The following CSMD1 variants were observed in gnomAD, a reference collection of about 807,000 sequenced individuals.
CSMD1 encodes the protein CUB and Sushi multiple domains 1, also known as CUB and sushi domain-containing protein 1.
CSMD1 carries 213 observed loss-of-function variants against 417.5 expected under a neutral mutation model. The ratio of observed to expected loss-of-function variants is 0.51; its 90% CI spans 0.46 to 0.57. The LOEUF (loss-of-function observed/expected upper bound fraction) is 0.57, where lower values mean the gene tolerates loss of function less well. Ranked by LOEUF, CSMD1 falls within the 20% of genes least tolerant of loss-of-function variation. The pLI is 0.00. For synonymous variants in CSMD1, 2,862 were observed against 1,736.8 expected (o/e 1.65, Z -16.11); for missense variants, 6,923 against 4,529.7 (o/e 1.53, Z -15.17).
At chr8:3,554,121 G>C (rs993081409) in intron 10 of CSMD1, among the ~76,000 whole-genome samples, 5 of 152,338 alleles carry the variant, frequency 3.3e-5, no homozygotes, top group East Asian at 3.9e-4. Flanking sequence ...GCATGTCTAA[G>C]CTCATGCCTT....
At chr8:4,852,159 C>T (rs1393795653) in intron 1 of CSMD1, among the ~76,000 whole-genome samples, 5 of 152,166 alleles carry the variant, frequency 3.3e-5, no homozygotes, top group Admixed American at 3.3e-4. Context: ...TTACTCTAAT[C>T]TATTTTTGCC....
At chr8:3,636,600 A>G (rs965197263) in intron 7 of CSMD1, among the ~76,000 whole-genome samples, 1 of 152,168 alleles carries the variant, frequency 6.6e-6, no homozygotes, top group African/African-American at 2.4e-5. Flanking sequence ...TGTGAAAAAC[A>G]TCTTTTCAGG....
chr8:4,041,144 G>A (rs1004301094), intron 3 of CSMD1, among the ~76,000 whole-genome samples: 1 of 151,098 alleles, frequency 6.6e-6, no homozygotes, highest in Non-Finnish European at 1.5e-5. Context: ...AGCCTCCCGA[G>A]TAGCTGGGAC....
chr8:4,070,521 C>T (rs934617428), intron 3 of CSMD1, among the ~76,000 whole-genome samples: 1 of 152,056 alleles, frequency 6.6e-6, no homozygotes, highest in Non-Finnish European at 1.5e-5. Flanking sequence ...CCACGGCCGG[C>T]TATTTTTTTG....
chr8:4,305,973 G>T (rs183272985), intron 3 of CSMD1, among the ~76,000 whole-genome samples: 3 of 152,136 alleles, frequency 2.0e-5, no homozygotes, highest in African/African-American at 7.2e-5. Context: ...CTGATACATA[G>T]TGTGCCCAGA....
chr8:3,531,741 C>G (rs1241099886), intron 10 of CSMD1, among the ~76,000 whole-genome samples: 1 of 152,212 alleles, frequency 6.6e-6, no homozygotes, highest in Non-Finnish European at 1.5e-5. Context: ...GAAATCACTT[C>G]TTTTCTAACA....
chr8:4,444,335 A>T (rs1463853436), intron 2 of CSMD1, among the ~76,000 whole-genome samples: 3 of 117,242 alleles, frequency 2.6e-5, no homozygotes, highest in African/African-American at 9.6e-5. Context: ...CTACAGAGTG[A>T]GACTCCATCT....
At chr8:4,921,171 T>C (rs963254956) in intron 1 of CSMD1, among the ~76,000 whole-genome samples, 5 of 151,870 alleles carry the variant, frequency 3.3e-5, no homozygotes, top group African/African-American at 1.2e-4. Context: ...GATGGTGATT[T>C]AGGGTCAGAA....
intron 2 of CSMD1, among the ~76,000 whole-genome samples, chr8:4,422,815 A>G (rs1797324075): frequency 6.6e-6 from 1 of 152,120 alleles, no homozygotes; most frequent in Admixed American, 6.6e-5. Flanking sequence ...TAGGCAAGAT[A>G]CGAATTATAC....
At chr8:4,802,340 A>AGT (rs202111583) in intron 1 of CSMD1, among the ~76,000 whole-genome samples, 15 of 145,966 alleles carry the variant, frequency 1.0e-4, no homozygotes, top group African/African-American at 3.8e-4. Context: ...AAGCAAAATG[A>AGT]GTGTGTGCGC....
chr8:4,827,899 G>A (rs550029078), intron 1 of CSMD1, among the ~76,000 whole-genome samples: 51 of 152,214 alleles, frequency 3.4e-4, no homozygotes, highest in African/African-American at 1.2e-3. Context: ...GCAACTGCTT[G>A]AAATACAATG....
chr8:3,105,233 G>C (rs62488455), intron 46 of CSMD1, among the ~76,000 whole-genome samples: 1 of 152,300 alleles, frequency 6.6e-6, no homozygotes, highest in Non-Finnish European at 1.5e-5. Flanking sequence ...AGAGTGACTT[G>C]CTCAAAGCTG....
chr8:3,631,861 C>A (rs563897369), intron 7 of CSMD1, among the ~76,000 whole-genome samples: 2 of 151,932 alleles, frequency 1.3e-5, no homozygotes, highest in African/African-American at 4.8e-5. Flanking sequence ...AACGTGAATT[C>A]CCCCCTGGTC....
intron 1 of CSMD1, among the ~76,000 whole-genome samples, chr8:4,914,924 A>G (rs1805949009): frequency 6.6e-6 from 1 of 152,186 alleles, no homozygotes. Flanking sequence ...CAGGAACAGA[A>G]CATTTATCCA....
chr8:4,390,628 C>G (rs1035922265), intron 3 of CSMD1, among the ~76,000 whole-genome samples: 3 of 152,050 alleles, frequency 2.0e-5, no homozygotes, highest in Non-Finnish European at 4.4e-5. Context: ...ATTCTCCTGC[C>G]TCAGCCTCCC....
chr8:3,404,399 G>A (rs1037399903), intron 15 of CSMD1, among the ~76,000 whole-genome samples: 6 of 151,840 alleles, frequency 4.0e-5, no homozygotes, highest in African/African-American at 4.8e-5. Flanking sequence ...TTCTTTGGAG[G>A]TGGGACCAGG....
At chr8:4,513,680 G>C (rs761965428) in intron 2 of CSMD1, among the ~76,000 whole-genome samples, 12 of 152,140 alleles carry the variant, frequency 7.9e-5, no homozygotes, top group Non-Finnish European at 1.8e-4. Context: ...AATTGAGAAA[G>C]GTAATTTCAT....
intron 37 of CSMD1, among the ~76,000 whole-genome samples, chr8:3,167,184 C>G (rs944121096): frequency 6.6e-6 from 1 of 151,070 alleles, no homozygotes; most frequent in Non-Finnish European, 1.5e-5. Flanking sequence ...ACTTGGGAGG[C>G]TGAGGCAGGA....
At chr8:3,275,704 C>T (rs1168438825) in intron 26 of CSMD1, among the ~76,000 whole-genome samples, 1 of 152,204 alleles carries the variant, frequency 6.6e-6, no homozygotes, top group Non-Finnish European at 1.5e-5. Flanking sequence ...GATACCATTT[C>T]TTCCAGTTGA....
Sources: gnomAD v4.1 joint callset for allele counts (sites outside exome capture counted in the v4.1 genomes callset) on GRCh38, gnomAD v4.1.1 for gene constraint, MANE v1.5 for transcripts, NCBI Gene and HGNC (gene_info 2026-07-23, HGNC 2026-07-21) for gene names.